The following AP3M2 variants were observed in gnomAD, a reference collection of about 807,000 sequenced individuals.
The protein encoded by AP3M2 is AP-3 complex subunit mu-2.
Under a neutral mutation model 41.6 loss-of-function variants are expected in AP3M2, and 28 were observed. The ratio of observed to expected loss-of-function variants is 0.67; its 90% CI spans 0.50 to 0.92. The LOEUF is 0.92. Ranked by LOEUF, AP3M2 falls within the 40% of genes least tolerant of loss-of-function variation. The probability of loss-of-function intolerance (pLI) is 0.00; values close to 1 mark genes in which losing one functional copy is unlikely to be tolerated. For missense variants in AP3M2, 427 were observed against 521.4 expected, an observed-to-expected ratio of 0.82 and a Z score of 1.76; for synonymous variants, 193 against 186.4, an observed-to-expected ratio of 1.04 and a Z score of -0.29.
rs533941937 is a variant in AP3M2 at position 42,162,463 on chromosome 8, G to T, written c.583+45G>T. On this transcript the variant is annotated intron_variant, in intron 4 of 8. Coordinates refer to ENST00000396926, the MANE Select transcript of AP3M2 (RefSeq NM_006803.4). ...TCTCAGAAATATGAAAATAGAAAGG[G>T]ACCTCTTTCATATAATGCTTGTAGT... is the stretch of plus-strand genomic sequence containing the variant. The T allele has an allele frequency of 2.2e-5, 34 of 1,561,376 alleles. No individual in the cohort carries two copies. In the South Asian group the frequency reaches 3.7e-4, roughly 17 times the overall value.
Position 42,166,591 on chromosome 8 carries a change from C to CAAAAAAAAAAA in AP3M2, c.804-564_804-554dup, listed in dbSNP as rs56858276. On this transcript the variant is annotated intron_variant, in intron 6 of 8. Coordinates refer to ENST00000396926, the MANE Select transcript of AP3M2 (RefSeq NM_006803.4). ...GCAACATGGCCAAACCTTGTCTCTA[C>CAAAAAAAAAAA]AAAAAAAAAAAAAAAAAAAGTAAAA... 2.0e-3 allele frequency among the ~76,000 whole-genome samples: 155 copies of CAAAAAAAAAAA among 76,890 alleles called. 3 individuals carry two copies. The highest frequency in any genetic ancestry group is 7.6e-3 in the Middle Eastern group (1 of 132). The allele number at this position is 76,890 out of a possible 152,430, so 50.4% of individuals were successfully genotyped here. A position where few individuals can be genotyped will look rare whatever the true frequency, so the allele number is the denominator to read the frequency against.
chr8:42,158,370 TC>T (rs1392535368), intron 3 of AP3M2, among the ~76,000 whole-genome samples: 1 of 151,056 alleles, frequency 6.6e-6, no homozygotes, highest in Non-Finnish European at 1.5e-5. Flanking sequence ...TGCCTCAGCC[TC>T]CCGAGTAGCT....
At position 42,170,086 on chromosome 8, in the gene AP3M2, T is replaced by C. The variant is rs1200370837; in HGVS notation, c.*1025T>C. The C allele has an allele frequency of 6.6e-6, 1 of 152,180 alleles. No individual in the cohort carries two copies. The highest frequency in any genetic ancestry group is 1.5e-5 in the Non-Finnish European group (1 of 68,022). The allele number at this position is 152,180 out of a possible 1,614,324, so 9.4% of individuals were successfully genotyped here. ...TGAGCACAGCTGTGAGTGAGTGAGC[T>C]CATATCTCCATTTGTCAGTGCTGGA... On this transcript the variant is annotated 3_prime_UTR_variant, in exon 9 of 9. Transcript: ENST00000396926.
chr8:42,162,631 CTT>C (rs1212656162), intron 4 of AP3M2, among the ~76,000 whole-genome samples: 2 of 151,938 alleles, frequency 1.3e-5, no homozygotes, highest in Non-Finnish European at 2.9e-5. Context: ...CTTTATTGGT[CTT>C]ATCCTCTTGA....
rs146759837 is a variant in AP3M2, at chr8:42,167,305, C to T, written c.945C>T (p.Pro315=). 6 of 1,614,122 alleles carry T rather than the reference C, an allele frequency of 3.7e-6. No homozygotes were observed. In the Admixed American group the frequency reaches 8.3e-5, roughly 22 times the overall value. ...IEGVTVTSQM[P]KGVLNMSLTP... The stretch of plus-strand genomic sequence containing the variant: ...GAGTGACTGTCACCAGCCAGATGCC[C>T]AAGGGGGTCCTGAACATGAGCCTTA... Residue 315 remains proline (P), a synonymous_variant, in exon 7 of 9, where the codon CCC becomes CCT. Coordinates refer to ENST00000396926, the MANE Select transcript of AP3M2 (RefSeq NM_006803.4).
chr8:42,157,354 T>C (rs1804380987), intron 2 of AP3M2, among the ~76,000 whole-genome samples: 1 of 152,220 alleles, frequency 6.6e-6, no homozygotes, highest in South Asian at 2.1e-4. Flanking sequence ...TGGTTTGAAA[T>C]CCAGTGCTTT....
chr8:42,160,883 C>T (rs886577113), intron 3 of AP3M2, among the ~76,000 whole-genome samples: 5 of 152,156 alleles, frequency 3.3e-5, no homozygotes, highest in Non-Finnish European at 5.9e-5. Flanking sequence ...GTGGTTTCTT[C>T]AATATTCTGA....
rs780225333 is a variant in AP3M2, at chr8:42,157,931, T to C, written c.274-10T>C. 1 of 1,609,044 alleles carries C rather than the reference T, an allele frequency of 6.2e-7. No individual in the cohort carries two copies. The highest frequency in any genetic ancestry group is 1.7e-5 in the Admixed American group (1 of 59,938). On this transcript the variant is annotated splice_polypyrimidine_tract_variant and intron_variant, in intron 2 of 8. Transcript: ENST00000396926. ...CTGAGTGATCAATGTGTATATTCTG[T>C]CTCCATCAGGATTATTTTGGAGTCT...
Position 42,167,520 on chromosome 8 carries a change from A to G in AP3M2, c.1012-146A>G. On this transcript the variant is annotated intron_variant, in intron 7 of 8. Coordinates refer to ENST00000396926, the MANE Select transcript of AP3M2 (RefSeq NM_006803.4). ...GCCAGGTAACTTAACAGTAACACGTAGGATTCTCAATGGAAAGATACCCAG... is the reference window on the plus strand; with the variant it reads ...GCCAGGTAACTTAACAGTAACACGTGGGATTCTCAATGGAAAGATACCCAG... 1.5e-6 allele frequency: 2 copies of G among 1,357,320 alleles called. 1 individual carries two copies. Among genetic ancestry groups the G allele is most frequent in the Non-Finnish European group, 2.0e-6 (2 of 989,584 alleles). 84.1% of individuals were successfully genotyped at this position (1,357,320 alleles called of 1,614,324 possible).
In AP3M2 at chr8:42,162,300, C is replaced by T. The variant is rs1460384700; in HGVS notation, c.465C>T (p.Asp155=). 6.2e-7 allele frequency: 1 copy of T among 1,611,540 alleles called. No homozygotes were observed. Among genetic ancestry groups the T allele is most frequent in the East Asian group, 2.2e-5 (1 of 44,794 alleles). The change falls in exon 4 of 9, where the codon GAC becomes GAT. Residue 155 remains aspartate, a synonymous_variant. Transcript: ENST00000396926. ...NTITGSTNVG[D]QLPTGQLSVV... is the part of the protein sequence containing the mutation. ...CCTCAGGAAGCACGAATGTGGGTGA[C>T]CAGCTTCCCACTGGGCAGCTGTCAG... is the stretch of plus-strand genomic sequence containing the variant.
intron 1 of AP3M2, chr8:42,154,170 C>G (rs1412127886): frequency 6.4e-6 from 1 of 155,718 alleles, no homozygotes; most frequent in African/African-American, 2.4e-5. Flanking sequence ...TTCAAGTGCT[C>G]GCTGGTCCCA....
At chr8:42,167,087 A>G in intron 6 of AP3M2, 77 bp from the exon 7 acceptor site, 2 of 1,350,554 alleles carry the variant, frequency 1.5e-6, no homozygotes, top group Non-Finnish European at 1.1e-6. Context: ...CACAGGGCAG[A>G]AAAAGCATCA....
Position 42,154,760 on chromosome 8 carries a change from A to G in AP3M2, c.73A>G (p.Ser25Gly), listed in dbSNP as rs1235342495. ...FLEKHWKSVVSRSVCDYFFEA... is the reference protein window; with the variant it reads ...FLEKHWKSVVGRSVCDYFFEA... ...GGAGAAACATTGGAAAAGTGTGGTCAGCCGTTCTGTTTGTGATTACTTTTT... is the reference window on the plus strand; with the variant it reads ...GGAGAAACATTGGAAAAGTGTGGTCGGCCGTTCTGTTTGTGATTACTTTTT... The change falls in exon 2 of 9, where the codon AGC becomes GGC. Residue 25 changes from serine to glycine, a missense_variant. Transcript: ENST00000396926. 7.4e-6 allele frequency: 12 copies of G among 1,614,084 alleles called. No individual in the cohort carries two copies. In the Admixed American group the frequency reaches 2.0e-4, roughly 27 times the overall value.
At position 42,169,683 on chromosome 8, in the gene AP3M2, G is replaced by A. The variant is rs1237197126; in HGVS notation, c.*622G>A. 6.6e-6 allele frequency: 1 copy of A among 152,280 alleles called. No individual in the cohort carries two copies. Among genetic ancestry groups the A allele is most frequent in the East Asian group, 1.9e-4 (1 of 5,180 alleles). The allele number at this position is 152,280 out of a possible 1,614,324, so 9.4% of individuals were successfully genotyped here. A position where few individuals can be genotyped will look rare whatever the true frequency, so the allele number is the denominator to read the frequency against. On this transcript the variant is annotated 3_prime_UTR_variant, in exon 9 of 9. Transcript: ENST00000396926. ...CACTTGTACTTCTGGAAATGGACTG[G>A]AGACTTTTTAAATTTGAGTCCACTA...
intron 3 of AP3M2, among the ~76,000 whole-genome samples, chr8:42,161,531 C>T (rs889017703): frequency 1.3e-5 from 2 of 152,096 alleles, no homozygotes; most frequent in Non-Finnish European, 2.9e-5. Flanking sequence ...ATTGTTTGAA[C>T]CCGGAAGGCA....
intron 4 of AP3M2, among the ~76,000 whole-genome samples, chr8:42,163,284 G>A (rs1367823740): frequency 6.6e-6 from 1 of 152,184 alleles, no homozygotes; most frequent in East Asian, 1.9e-4. Flanking sequence ...GCAACATAGT[G>A]AGATCCTGTC....
chr8:42,155,577 A>G (rs1479614499), intron 2 of AP3M2, among the ~76,000 whole-genome samples: 2 of 152,156 alleles, frequency 1.3e-5, no homozygotes, highest in African/African-American at 4.8e-5. Flanking sequence ...AATAGATGTT[A>G]AGAACTTAGG....
At position 42,158,092 on chromosome 8, in the gene AP3M2, C is replaced by T. The variant is rs753674550; in HGVS notation, c.425C>T (p.Thr142Met). ...ELIKPPTILR[T>M]VVNTITGSTN... Reference sequence around the variant, plus strand: ...ATAAAGCCTCCTACCATCCTTCGAACGGTTGTCAACACCATCACAGGTACG... The same window carrying T: ...ATAAAGCCTCCTACCATCCTTCGAATGGTTGTCAACACCATCACAGGTACG... The change falls in exon 3 of 9, where the codon ACG (threonine) becomes ATG (methionine). Residue 142 changes from threonine (T) to methionine (M), a missense_variant. Physicochemically the swap from Thr to Met is moderately conservative, Grantham distance 81. Around this residue, in one of 3 missense-constraint regions of AP3M2, gnomAD observed 86 missense variants for 142.6 expected, o/e 0.60. Transcript: ENST00000396926. 2.2e-5 allele frequency: 36 copies of T among 1,613,452 alleles called. No homozygotes were observed. Among genetic ancestry groups the T allele is most frequent in the Non-Finnish European group, 2.7e-5 (32 of 1,179,608 alleles).
intron 2 of AP3M2, among the ~76,000 whole-genome samples, chr8:42,156,278 CAG>C (rs1804352656): frequency 6.6e-6 from 1 of 152,180 alleles, no homozygotes; most frequent in Admixed American, 6.5e-5. Context: ...TTTGGGAAAG[CAG>C]AGTAAATTTG....
Sources: allele counts gnomAD v4.1 joint callset (sites outside exome capture counted in the v4.1 genomes callset), GRCh38; gene constraint gnomAD v4.1.1; regional missense constraint gnomAD v4.1.1; transcripts MANE v1.5; gene names NCBI Gene and HGNC (gene_info 2026-07-23, HGNC 2026-07-21).